The following CHN1 variants were observed in gnomAD, a reference collection of about 807,000 sequenced individuals.
CHN1 encodes N-chimaerin.
CHN1 carries 37 observed loss-of-function variants against 59.5 expected under a neutral mutation model. That is an observed-to-expected ratio of 0.62 (90% CI 0.48 to 0.82). The LOEUF is 0.82. CHN1 is among the 40% of genes least tolerant of loss of function. The probability of loss-of-function intolerance (pLI) is 0.00; values close to 1 mark genes in which losing one functional copy is unlikely to be tolerated. For synonymous variants in CHN1, 206 were observed against 200.4 expected (o/e 1.03, Z -0.24); for missense variants, 469 against 571.0 (o/e 0.82, Z 1.82).
intron 1 of CHN1, 74 bp from the exon 2 acceptor site, chr2:174,952,276 T>C (rs561489888): frequency 1.1e-6 from 1 of 891,818 alleles, no homozygotes; most frequent in East Asian, 3.2e-5. Context: ...CATTAACTCA[T>C]TTAATATATA....
At chr2:174,947,307 G>A (rs950567888) in intron 2 of CHN1, among the ~76,000 whole-genome samples, 4 of 152,036 alleles carry the variant, frequency 2.6e-5, no homozygotes, top group African/African-American at 9.7e-5. Flanking sequence ...AGGGTATATA[G>A]TATTTTCTTA....
intron 1 of CHN1, among the ~76,000 whole-genome samples, chr2:174,967,432 C>T (rs1055305611): frequency 2.0e-5 from 3 of 152,078 alleles, no homozygotes; most frequent in East Asian, 1.9e-4. Context: ...GAATATACTA[C>T]GTTATATATG....
At chr2:174,968,300 A>G (rs1228190868) in intron 1 of CHN1, among the ~76,000 whole-genome samples, 1 of 151,498 alleles carries the variant, frequency 6.6e-6, no homozygotes, top group East Asian at 1.9e-4. Context: ...GTCACTAAGG[A>G]AAAAAAAAGT....
intron 5 of CHN1, among the ~76,000 whole-genome samples, chr2:174,910,630 G>A (rs1688667630): frequency 6.6e-6 from 1 of 152,090 alleles, no homozygotes. Flanking sequence ...AAAATAAAAT[G>A]TTTAGATAAA....
At chr2:174,849,293 G>A (rs1237880885) in intron 6 of CHN1, among the ~76,000 whole-genome samples, 1 of 152,128 alleles carries the variant, frequency 6.6e-6, no homozygotes, top group Non-Finnish European at 1.5e-5. Context: ...TCAGAGGTAA[G>A]GTCTACTGTA....
At chr2:174,846,825 T>A in intron 7 of CHN1, 55 bp downstream of exon 7, 1 of 1,396,758 alleles carries the variant, frequency 7.2e-7, no homozygotes, top group Non-Finnish European at 9.7e-7. Flanking sequence ...TCCTTTAATA[T>A]TATATATTTC....
At chr2:174,947,474 C>CTTTTTTT (rs1025986409) in intron 2 of CHN1, among the ~76,000 whole-genome samples, 49 of 143,782 alleles carry the variant, frequency 3.4e-4, no homozygotes, top group African/African-American at 1.2e-3. Context: ...CTTTAAGACT[C>CTTTTTTT]TTTTTTTTTT....
chr2:174,895,376 CA>C (rs1209192085), intron 5 of CHN1, among the ~76,000 whole-genome samples: 1 of 151,822 alleles, frequency 6.6e-6, no homozygotes, highest in Non-Finnish European at 1.5e-5. Context: ...CTAGAGCAGT[CA>C]AAATCATGCA....
chr2:174,958,433 G>A (rs2105422054), intron 1 of CHN1, among the ~76,000 whole-genome samples: 1 of 152,294 alleles, frequency 6.6e-6, no homozygotes, highest in East Asian at 1.9e-4. Context: ...CAAAAGTGAG[G>A]GAAGTCTTGG....
intron 5 of CHN1, among the ~76,000 whole-genome samples, chr2:174,894,266 T>A (rs1014292654): frequency 4.6e-5 from 7 of 152,006 alleles, no homozygotes; most frequent in Non-Finnish European, 1.0e-4. Flanking sequence ...AGAACCCCTA[T>A]AACTCAATAA....
Position 174,801,728 on chromosome 2 carries a change from T to A in CHN1, c.1187A>T (p.Tyr396Phe). Reference protein sequence around the residue: ...LPPAHCETLRYLMAHLKRVTL... With the variant: ...LPPAHCETLRFLMAHLKRVTL... ...TTGCCTCTTTAGATGTGCCATGAGG[T>A]ACCGGAGGGTTTCGCAGTGAGCAGG... Residue 396 changes from tyrosine to phenylalanine, a missense_variant, in exon 12 of 13, where the codon TAC becomes TTC. Tyr to Phe is a conservative substitution (Grantham distance 22). This residue lies in a region of CHN1 where 225 missense variants were observed against 289.9 expected (regional missense o/e 0.78). Coordinates refer to ENST00000409900, the MANE Select transcript of CHN1 (RefSeq NM_001822.7). The A allele has an allele frequency of 1.2e-6, 2 of 1,613,366 alleles. No homozygotes were observed. Among genetic ancestry groups the A allele is most frequent in the Admixed American group, 3.3e-5 (2 of 60,006 alleles).
chr2:174,931,465 A>T (rs1163294808), intron 3 of CHN1, among the ~76,000 whole-genome samples: 1 of 152,238 alleles, frequency 6.6e-6, no homozygotes, highest in Non-Finnish European at 1.5e-5. Flanking sequence ...GACTAAGAAT[A>T]AAACAAGAAC....
chr2:174,865,315 G>C (rs746509363), intron 6 of CHN1, among the ~76,000 whole-genome samples: 3 of 152,082 alleles, frequency 2.0e-5, no homozygotes, highest in African/African-American at 4.8e-5. Context: ...CTACTTAAAA[G>C]ATAGTGATCT....
intron 1 of CHN1, among the ~76,000 whole-genome samples, chr2:174,996,533 T>C (rs1691717028): frequency 1.3e-5 from 2 of 152,210 alleles, no homozygotes; most frequent in South Asian, 4.1e-4. Flanking sequence ...AGCCCCTGAT[T>C]ACCTGTAAAG....
At chr2:174,817,800 G>A (rs1310635705) in intron 8 of CHN1, among the ~76,000 whole-genome samples, 1 of 152,062 alleles carries the variant, frequency 6.6e-6, no homozygotes, top group Non-Finnish European at 1.5e-5. Context: ...ACCACGCCTG[G>A]CTAATTTTTT....
intron 6 of CHN1, among the ~76,000 whole-genome samples, chr2:174,850,424 T>C (rs894441443): frequency 6.6e-6 from 1 of 152,334 alleles, no homozygotes; most frequent in East Asian, 1.9e-4. Flanking sequence ...GAAGTTTGAA[T>C]ACTGACCTTG....
At chr2:174,840,161 C>CTTT (rs71407154) in intron 7 of CHN1, among the ~76,000 whole-genome samples, 1,625 of 67,466 alleles carry the variant, frequency 0.024, 43 homozygotes, top group Non-Finnish European at 0.028. Context: ...TAAAACCATT[C>CTTT]TTTTTTTTTT....
chr2:174,935,661 C>G (rs1368250713), intron 3 of CHN1, among the ~76,000 whole-genome samples: 3 of 152,110 alleles, frequency 2.0e-5, no homozygotes, highest in Non-Finnish European at 2.9e-5. Flanking sequence ...CACGGTGGCT[C>G]ACGCCTGTAA....
At chr2:174,915,805 A>G (rs1688832392) in intron 4 of CHN1, among the ~76,000 whole-genome samples, 2 of 152,220 alleles carry the variant, frequency 1.3e-5, no homozygotes, top group Non-Finnish European at 2.9e-5. Flanking sequence ...ACACAGATGA[A>G]CCTATAACAA....
Sources: allele counts gnomAD v4.1 joint callset (sites outside exome capture counted in the v4.1 genomes callset), GRCh38; gene constraint gnomAD v4.1.1; regional missense constraint gnomAD v4.1.1; transcripts MANE v1.5; gene names NCBI Gene and HGNC (gene_info 2026-07-23, HGNC 2026-07-21).